Variants in RAPGEF5 observed in about 807,000 individuals in gnomAD.
RAPGEF5 encodes M-Ras-regulated GEF.
Under a neutral mutation model 125.2 loss-of-function variants are expected in RAPGEF5, and 65 were observed. The ratio of observed to expected loss-of-function variants is 0.52; its 90% CI spans 0.43 to 0.64. The LOEUF is 0.64. Among genes scored for constraint, RAPGEF5 ranks in the 30% least tolerant of loss-of-function variants. The pLI, the probability that RAPGEF5 is intolerant of heterozygous loss-of-function variation, is 0.00. For synonymous variants in RAPGEF5, 391 were observed against 385.9 expected (o/e 1.01, Z -0.16); for missense variants, 958 against 1,048.1 (o/e 0.91, Z 1.19).
intron 6 of RAPGEF5, among the ~76,000 whole-genome samples, chr7:22,269,536 G>GA (rs1782368700): frequency 6.6e-6 from 1 of 152,136 alleles, no homozygotes; most frequent in Admixed American, 6.5e-5. Context: ...CGAGGGGAGA[G>GA]AAAAAACTTC....
At chr7:22,153,826 A>T (rs73683308) in intron 17 of RAPGEF5, among the ~76,000 whole-genome samples, 3,495 of 152,314 alleles carry the variant, frequency 0.023, 113 homozygotes, top group African/African-American at 0.08. Context: ...GAGATCTGAC[A>T]GGCTCCAGTG....
intron 18 of RAPGEF5, among the ~76,000 whole-genome samples, chr7:22,147,308 C>A (rs1027763507): frequency 6.6e-6 from 1 of 152,308 alleles, no homozygotes; most frequent in East Asian, 1.9e-4. Flanking sequence ...GATTATAAAA[C>A]ACTGCCCTGG....
Position 22,148,831 on chromosome 7 carries a change from G to C in RAPGEF5, c.1884+1576C>G, listed in dbSNP as rs113899439. On this transcript the variant is annotated intron_variant, in intron 18 of 25. Transcript: ENST00000665637. The stretch of plus-strand genomic sequence containing the variant: ...GGCATAGAGGATATTCAGAGTGGGG[G>C]TTTCCTCTACCGCAACAAGCCCCAC... Among the ~76,000 whole-genome samples, 883 of 152,228 alleles carry C rather than the reference G, an allele frequency of 5.8e-3. 11 individuals are homozygous for C. Among genetic ancestry groups the C allele is most frequent in the African/African-American group, 0.02 (812 of 41,512 alleles).
At chr7:22,138,805 T>C (rs149796708) in intron 21 of RAPGEF5, among the ~76,000 whole-genome samples, 3 of 152,228 alleles carry the variant, frequency 2.0e-5, no homozygotes, top group African/African-American at 7.2e-5. Flanking sequence ...GAGTTATTTC[T>C]CCTCTCAATT....
chr7:22,315,075 C>T (rs917147308), intron 3 of RAPGEF5, among the ~76,000 whole-genome samples: 1 of 152,278 alleles, frequency 6.6e-6, no homozygotes, highest in South Asian at 2.1e-4. Flanking sequence ...GCACCACCCC[C>T]TCACCCGCTG....
At chr7:22,148,800 AGAG>A (rs1783526529) in intron 18 of RAPGEF5, among the ~76,000 whole-genome samples, 1 of 152,200 alleles carries the variant, frequency 6.6e-6, no homozygotes, top group Non-Finnish European at 1.5e-5. Flanking sequence ...TATGGGTGGC[AGAG>A]GAGGCATAGA....
chr7:22,172,250 G>A (rs1784372629), intron 11 of RAPGEF5, among the ~76,000 whole-genome samples: 1 of 151,946 alleles, frequency 6.6e-6, no homozygotes. Context: ...AGCCTCTGGA[G>A]CAACTGGGAT....
intron 11 of RAPGEF5, among the ~76,000 whole-genome samples, chr7:22,168,139 C>G (rs545094015): frequency 2.0e-5 from 3 of 151,956 alleles, no homozygotes; most frequent in Non-Finnish European, 2.9e-5. Flanking sequence ...TTTGCAACAC[C>G]CCCACCCCTG....
At position 22,128,745 on chromosome 7, in the gene RAPGEF5, T is replaced by C. The variant is rs568280311; in HGVS notation, c.2481+2292A>G. The stretch of plus-strand genomic sequence containing the variant: ...GGACCAGGAGCTCACTAGTCCCAGG[T>C]GTGGAGCCTGCCCTCTGAGGAAATG... On this transcript the variant is annotated intron_variant, in intron 24 of 25. Coordinates refer to ENST00000665637, the MANE Select transcript of RAPGEF5 (RefSeq NM_012294.5). Among the ~76,000 whole-genome samples the C allele has an allele frequency of 3.3e-5, 5 of 152,226 alleles. No homozygotes were observed. In the South Asian group the frequency reaches 1.0e-3, roughly 32 times the overall value.
intron 5 of RAPGEF5, among the ~76,000 whole-genome samples, chr7:22,299,310 T>C (rs1007234145): frequency 6.6e-6 from 1 of 152,174 alleles, no homozygotes; most frequent in African/African-American, 2.4e-5. Context: ...TTATTTCCTT[T>C]GGGACTTCCT....
intron 13 of RAPGEF5, among the ~76,000 whole-genome samples, chr7:22,161,582 A>AC (rs1784001663): frequency 4.0e-5 from 6 of 148,308 alleles, no homozygotes; most frequent in South Asian, 2.2e-4. Flanking sequence ...ACACACACAC[A>AC]ATTCCACATA....
rs868148944 is a variant in RAPGEF5, at chr7:22,298,180, G to T, written c.681-6939C>A. Among the ~76,000 whole-genome samples the T allele has an allele frequency of 8.8e-3, 1,212 of 137,512 alleles. 9 individuals are homozygous for T. The highest frequency in any genetic ancestry group is 0.015 in the Middle Eastern group (4 of 270). 90.2% of individuals were successfully genotyped at this position (137,512 alleles called of 152,430 possible). A position where few individuals can be genotyped will look rare whatever the true frequency, so the allele number is the denominator to read the frequency against. On this transcript the variant is annotated intron_variant, in intron 5 of 25. Coordinates refer to ENST00000665637, the MANE Select transcript of RAPGEF5 (RefSeq NM_012294.5). Reference sequence around the variant, plus strand: ...AATGAGTCATATTGTTCTGTTTTTTGTTTTTTTTTTTTTTGAGACGGAGTT... The same window carrying T: ...AATGAGTCATATTGTTCTGTTTTTTTTTTTTTTTTTTTTTGAGACGGAGTT...
intron 1 of RAPGEF5, among the ~76,000 whole-genome samples, chr7:22,353,068 T>C (rs1026538770): frequency 1.3e-5 from 2 of 152,242 alleles, no homozygotes; most frequent in Admixed American, 1.3e-4. Context: ...TGAAGGTTAC[T>C]TGTCTTTGAA....
chr7:22,324,375 G>A (rs1390088544), intron 1 of RAPGEF5, among the ~76,000 whole-genome samples: 1 of 152,168 alleles, frequency 6.6e-6, no homozygotes, highest in Non-Finnish European at 1.5e-5. Context: ...GACAATTAAA[G>A]GCATTATGTG....
chr7:22,238,068 G>C (rs1300715862), intron 7 of RAPGEF5, among the ~76,000 whole-genome samples: 1 of 152,124 alleles, frequency 6.6e-6, no homozygotes, highest in African/African-American at 2.4e-5. Context: ...ATGGGAGCAG[G>C]AAGTAGATCA....
intron 1 of RAPGEF5, among the ~76,000 whole-genome samples, chr7:22,341,164 A>G (rs1784121221): frequency 1.3e-5 from 2 of 152,210 alleles, no homozygotes; most frequent in Admixed American, 1.3e-4. Flanking sequence ...GTGGCTGGGG[A>G]GGCCTCAGAA....
At chr7:22,259,553 A>G (rs1782093977) in intron 7 of RAPGEF5, among the ~76,000 whole-genome samples, 1 of 152,238 alleles carries the variant, frequency 6.6e-6, no homozygotes, top group Non-Finnish European at 1.5e-5. Context: ...AAATCTGCAT[A>G]TCCAAAGCTT....
chr7:22,188,290 G>A (rs962343075), intron 11 of RAPGEF5, among the ~76,000 whole-genome samples: 4 of 152,128 alleles, frequency 2.6e-5, no homozygotes, highest in Admixed American at 6.5e-5. Flanking sequence ...GTTCACTTAC[G>A]TTGTCTTCTA....
chr7:22,312,288 A>G (rs753013119), intron 3 of RAPGEF5, among the ~76,000 whole-genome samples: 1 of 151,742 alleles, frequency 6.6e-6, no homozygotes, highest in East Asian at 1.9e-4. Context: ...GGCTCACTGC[A>G]AACTCTGCCT....
Sources: allele counts gnomAD v4.1 joint callset (sites outside exome capture counted in the v4.1 genomes callset), GRCh38; gene constraint gnomAD v4.1.1; transcripts MANE v1.5; gene names NCBI Gene and HGNC (gene_info 2026-07-23, HGNC 2026-07-21).